Variants in ARHGEF1 observed in about 807,000 individuals in gnomAD.
ARHGEF1 encodes Rho guanine nucleotide exchange factor 1.
ARHGEF1 carries 40 observed loss-of-function variants against 119.7 expected under a neutral mutation model. The observed-to-expected ratio is 0.33, with a 90% CI of 0.26 to 0.44. The LOEUF is 0.44. ARHGEF1 is among the 20% of genes least tolerant of loss of function. The probability of loss-of-function intolerance (pLI) is 1.00; values close to 1 mark genes in which losing one functional copy is unlikely to be tolerated. For synonymous variants in ARHGEF1, 494 were observed against 521.0 expected (o/e 0.95, Z 0.71); for missense variants, 976 against 1,268.3 (o/e 0.77, Z 3.50).
chr19:41,909,326 T>TG, downstream of ARHGEF1: 1 of 1,235,564 alleles, frequency 8.1e-7, no homozygotes, highest in Non-Finnish European at 1.0e-6. This position sits in a 1 kb window ranked among gnomAD's most constrained non-coding sequence, Gnocchi z 5.2. Flanking sequence ...CCAAAGGGAC[T>TG]GGGGGTCAGC....
At chr19:41,921,789 G>A (rs563044584), upstream of ARHGEF1, among the ~76,000 whole-genome samples, 9 of 152,058 alleles carry the variant, frequency 5.9e-5, no homozygotes, top group South Asian at 8.3e-4. The surrounding 1 kb of genome is among the most constrained non-coding windows in gnomAD (Gnocchi z 4.4). Flanking sequence ...TGGATTCCTC[G>A]TCCTCCGCCC....
upstream of ARHGEF1, among the ~76,000 whole-genome samples, chr19:41,922,706 T>C (rs906745071): frequency 2.0e-5 from 3 of 150,902 alleles, no homozygotes; most frequent in Non-Finnish European, 2.9e-5. Context: ...CCACCAGGGA[T>C]CCCACAAGGG....
At chr19:41,908,958 C>T, downstream of ARHGEF1, 2 of 723,832 alleles carry the variant, frequency 2.8e-6, no homozygotes, top group Non-Finnish European at 3.8e-6. The surrounding 1 kb of genome is among the most constrained non-coding windows in gnomAD (Gnocchi z 6.7). Context: ...TGGCCCTGGG[C>T]CCCCTTCCCC....
chr19:41,893,398 G>A (rs1599638904), intron 8 of ARHGEF1, 95 bp downstream of exon 8: 2 of 969,472 alleles, frequency 2.1e-6, no homozygotes, highest in Non-Finnish European at 2.8e-6. Context: ...AGGAGGCTGG[G>A]GGGCCTGGAC....
At chr19:41,920,499 C>T (rs562459680), upstream of ARHGEF1, among the ~76,000 whole-genome samples, 63 of 144,398 alleles carry the variant, frequency 4.4e-4, no homozygotes, top group Non-Finnish European at 6.1e-4. Context: ...ACAGACATGA[C>T]GCACTCAGAC....
rs781896758 is a variant in ARHGEF1 at position 41,906,539 on chromosome 19, G to C, written c.2574G>C (p.Gly858=). The change falls in exon 27 of 29, where the codon GGG becomes GGC. Residue 858 remains glycine, a synonymous_variant. Coordinates refer to ENST00000354532, the MANE Select transcript of ARHGEF1 (RefSeq NM_004706.4). The surrounding 1 kb of genome is among the most constrained non-coding windows in gnomAD (Gnocchi z 4.5). ...GPPRDGDGVP[G]GGPLSPARTQ... ...CTCGAGATGGGGATGGGGTCCCAGG[G>C]GGCGGCCCCCTGAGCCCAGCACGGA... 1 of 1,583,738 alleles carries C rather than the reference G, an allele frequency of 6.3e-7. No homozygotes were observed. Among genetic ancestry groups the C allele is most frequent in the African/African-American group, 1.4e-5 (1 of 72,584 alleles).
downstream of ARHGEF1, among the ~76,000 whole-genome samples, chr19:41,911,144 A>G (rs1382975440): frequency 6.6e-6 from 1 of 152,094 alleles, no homozygotes; most frequent in African/African-American, 2.4e-5. Context: ...GTCAGCACTG[A>G]CACCCCCGGC....
rs1465863525 is a variant in ARHGEF1, at chr19:41,905,467, TGTGTGCGTGTATG to T, written c.2336+212_2336+224del. ...ATGCATGCATGTGTGCGTGTGCATG[TGTGTGCGTGTATG>T]GTGTGTGTGTATGCATATGTGTGCA... On this transcript the variant is annotated intron_variant, in intron 24 of 28. Coordinates refer to ENST00000354532, the MANE Select transcript of ARHGEF1 (RefSeq NM_004706.4). This position sits in a 1 kb window ranked among gnomAD's most constrained non-coding sequence, Gnocchi z 6.4. The T allele has an allele frequency of 6.5e-6, 4 of 615,536 alleles. No homozygotes were observed. Among genetic ancestry groups the T allele is most frequent in the Non-Finnish European group, 1.1e-5 (4 of 350,534 alleles). The allele number at this position is 615,536 out of a possible 1,614,324, so 38.1% of individuals were successfully genotyped here. A position where few individuals can be genotyped will look rare whatever the true frequency, so the allele number is the denominator to read the frequency against.
At chr19:41,890,530 C>T (rs1296904847) in intron 4 of ARHGEF1, 6 of 152,052 alleles carry the variant, frequency 3.9e-5, no homozygotes, top group African/African-American at 7.2e-5. Flanking sequence ...CATATAATCC[C>T]AGCACTTTGG....
chr19:41,901,143 AT>A (rs2074598486), intron 14 of ARHGEF1, among the ~76,000 whole-genome samples: 1 of 143,484 alleles, frequency 7.0e-6, no homozygotes, highest in East Asian at 2.1e-4. Context: ...TTTTTTTTTT[AT>A]TTGTTTGTTT....
Position 41,896,366 on chromosome 19 carries a change from C to T in ARHGEF1, c.1016-11C>T. The T allele has an allele frequency of 7.1e-7, 1 of 1,410,472 alleles. No homozygotes were observed. Among genetic ancestry groups the T allele is most frequent in the South Asian group, 1.7e-5 (1 of 59,360 alleles). 87.4% of individuals were successfully genotyped at this position (1,410,472 alleles called of 1,614,324 possible). A position where few individuals can be genotyped will look rare whatever the true frequency, so the allele number is the denominator to read the frequency against. ...GGCCTTCCAGCCAGCCCTGCTCCCTCCACCCCACAGGTGCTGACGCCCCCC... is the reference window on the plus strand; with the variant it reads ...GGCCTTCCAGCCAGCCCTGCTCCCTTCACCCCACAGGTGCTGACGCCCCCC... On this transcript the variant is annotated splice_polypyrimidine_tract_variant and intron_variant, in intron 12 of 28. Coordinates refer to ENST00000354532, the MANE Select transcript of ARHGEF1 (RefSeq NM_004706.4).
Position 41,905,065 on chromosome 19 carries a change from G to A in ARHGEF1, c.2249+29G>A. The A allele has an allele frequency of 6.2e-7, 1 of 1,613,256 alleles. No individual in the cohort carries two copies. The highest frequency in any genetic ancestry group is 8.5e-7 in the Non-Finnish European group (1 of 1,179,206). On this transcript the variant is annotated intron_variant, in intron 23 of 28. Coordinates refer to ENST00000354532, the MANE Select transcript of ARHGEF1 (RefSeq NM_004706.4). The surrounding 1 kb of genome is among the most constrained non-coding windows in gnomAD (Gnocchi z 6.4). ...AGGGGGGGTCTGAGTTCTGAGTGTGGGTGGAGGACGCCCAGGTTTCTGGGT... is the reference window on the plus strand; with the variant it reads ...AGGGGGGGTCTGAGTTCTGAGTGTGAGTGGAGGACGCCCAGGTTTCTGGGT...
chr19:41,907,225 G>A lies in ARHGEF1; in HGVS notation c.*138G>A, dbSNP rs782818405. The A allele has an allele frequency of 8.6e-6, 13 of 1,519,876 alleles. No individual in the cohort carries two copies. Among genetic ancestry groups the A allele is most frequent in the South Asian group, 1.2e-5 (1 of 81,944 alleles). The allele number at this position is 1,519,876 out of a possible 1,614,324, so 94.1% of individuals were successfully genotyped here. A position where few individuals can be genotyped will look rare whatever the true frequency, so the allele number is the denominator to read the frequency against. ...GAGAGGGAGCTGTGGGCCACGCCTG[G>A]GAGGGGCCCAGCTGGGGTTACTGGC... On this transcript the variant is annotated 3_prime_UTR_variant, in exon 29 of 29. Coordinates refer to ENST00000354532, the MANE Select transcript of ARHGEF1 (RefSeq NM_004706.4).
downstream of ARHGEF1, chr19:41,909,257 C>T: frequency 8.1e-7 from 1 of 1,232,372 alleles, no homozygotes; most frequent in Non-Finnish European, 1.0e-6. The surrounding 1 kb of genome is among the most constrained non-coding windows in gnomAD (Gnocchi z 5.2). Flanking sequence ...GGTTCCAGGA[C>T]CCCAGTACCC....
upstream of ARHGEF1, among the ~76,000 whole-genome samples, chr19:41,921,775 G>A (rs1336662097): frequency 6.6e-6 from 1 of 151,720 alleles, no homozygotes; most frequent in Admixed American, 6.6e-5. This position sits in a 1 kb window ranked among gnomAD's most constrained non-coding sequence, Gnocchi z 4.4. Flanking sequence ...GCAGACCTAA[G>A]GTGTGGATTC....
At position 41,906,158 on chromosome 19, in the gene ARHGEF1, G is replaced by A; in HGVS notation, c.2491+133G>A. On this transcript the variant is annotated intron_variant, in intron 26 of 28. Transcript: ENST00000354532. This position sits in a 1 kb window ranked among gnomAD's most constrained non-coding sequence, Gnocchi z 4.5. The stretch of plus-strand genomic sequence containing the variant: ...AAAACAAATGCTCCAAACCCACCCA[G>A]CCTGCACCACTGTCCTGGGTGCCCA... 1 of 860,194 alleles carries A rather than the reference G, an allele frequency of 1.2e-6. No homozygotes were observed. The allele number at this position is 860,194 out of a possible 1,614,324, so 53.3% of individuals were successfully genotyped here. A position where few individuals can be genotyped will look rare whatever the true frequency, so the allele number is the denominator to read the frequency against.
chr19:41,914,735 C>T (rs1227851540), intron 18 of ARHGEF1, among the ~76,000 whole-genome samples: 1 of 22,040 alleles, frequency 4.5e-5, no homozygotes, highest in Non-Finnish European at 7.2e-5. Context: ...TCCCCTTCCA[C>T]CATCTCTGTC....
At chr19:41,920,344 GCACT>G (rs1555852355), upstream of ARHGEF1, among the ~76,000 whole-genome samples, 1 of 137,340 alleles carries the variant, frequency 7.3e-6, no homozygotes, top group East Asian at 2.2e-4. Flanking sequence ...CAGACGTGAT[GCACT>G]CAGACGTGAC....
At chr19:41,928,079 T>A (rs2074882772) in intron 1 of ARHGEF1, 1 of 151,772 alleles carries the variant, frequency 6.6e-6, no homozygotes, top group South Asian at 2.1e-4. Context: ...CGGGGAGAAG[T>A]GTTTAAAGTT....
Sources: allele counts gnomAD v4.1 joint callset (sites outside exome capture counted in the v4.1 genomes callset), GRCh38; gene constraint gnomAD v4.1.1; non-coding constraint Gnocchi (gnomAD v3.1); transcripts MANE v1.5; gene names NCBI Gene and HGNC (gene_info 2026-07-23, HGNC 2026-07-21).